The following FSTL5 variants were observed in gnomAD, a reference collection of about 807,000 sequenced individuals.
FSTL5 encodes follistatin-related protein 5.
A neutral mutation model predicts 89.1 loss-of-function variants in FSTL5; 62 were observed. That is an observed-to-expected ratio of 0.70 (90% CI 0.57 to 0.86). The LOEUF (loss-of-function observed/expected upper bound fraction) is 0.86, where lower values mean the gene tolerates loss of function less well. Among genes scored for constraint, FSTL5 ranks in the 40% least tolerant of loss-of-function variants. The pLI, the probability that FSTL5 is intolerant of heterozygous loss-of-function variation, is 0.00. For missense variants in FSTL5, 1,057 were observed against 1,001.6 expected (o/e 1.06, Z -0.75); for synonymous variants, 383 against 346.2 (o/e 1.11, Z -1.18).
At chr4:161,440,311 C>T (rs1459973386) in intron 15 of FSTL5, among the ~76,000 whole-genome samples, 1 of 151,898 alleles carries the variant, frequency 6.6e-6, no homozygotes, top group African/African-American at 2.4e-5. Context: ...CCTCCTACAC[C>T]ACTGTGTCCA....
intron 8 of FSTL5, among the ~76,000 whole-genome samples, chr4:161,580,866 G>T (rs1038637540): frequency 2.0e-5 from 3 of 152,136 alleles, no homozygotes; most frequent in African/African-American, 7.2e-5. Context: ...AAGGAACAGT[G>T]GCAGAGAGAC....
At chr4:162,142,041 T>C (rs1013540003) in intron 1 of FSTL5, among the ~76,000 whole-genome samples, 1 of 152,102 alleles carries the variant, frequency 6.6e-6, no homozygotes, top group African/African-American at 2.4e-5. Context: ...TGCTATTGTA[T>C]CTAATGGGTA....
At chr4:162,020,059 AT>A (rs1399391464) in intron 3 of FSTL5, among the ~76,000 whole-genome samples, 1 of 151,650 alleles carries the variant, frequency 6.6e-6, no homozygotes, top group Non-Finnish European at 1.5e-5. Flanking sequence ...AATGTCTCAT[AT>A]ATTATTACAT....
chr4:162,001,966 G>T (rs1210100813), intron 3 of FSTL5, among the ~76,000 whole-genome samples: 2 of 152,028 alleles, frequency 1.3e-5, no homozygotes, highest in Non-Finnish European at 2.9e-5. Context: ...AGGTTGCAAG[G>T]TAAGATTGAA....
At chr4:161,496,193 C>G (rs1363732210) in intron 12 of FSTL5, among the ~76,000 whole-genome samples, 1 of 152,064 alleles carries the variant, frequency 6.6e-6, no homozygotes, top group Non-Finnish European at 1.5e-5. Context: ...ATTCATTTAA[C>G]AAATGTTTCT....
chr4:162,104,658 ACT>A (rs1288045741), intron 2 of FSTL5, among the ~76,000 whole-genome samples: 1 of 151,946 alleles, frequency 6.6e-6, no homozygotes, highest in Non-Finnish European at 1.5e-5. Context: ...AAATGATGAC[ACT>A]CTGGCTACCG....
chr4:161,578,479 T>C (rs1733311368), intron 8 of FSTL5, among the ~76,000 whole-genome samples: 1 of 151,992 alleles, frequency 6.6e-6, no homozygotes, highest in South Asian at 2.1e-4. Flanking sequence ...CAGTGATTTA[T>C]GAGAAAATAT....
At chr4:161,798,485 T>A (rs34689285) in intron 4 of FSTL5, among the ~76,000 whole-genome samples, 6,304 of 151,408 alleles carry the variant, frequency 0.042, 192 homozygotes, top group Non-Finnish European at 0.062. Context: ...TTTTTTTTTT[T>A]AAAGTATTTA....
intron 2 of FSTL5, among the ~76,000 whole-genome samples, chr4:162,039,266 C>T (rs1737858342): frequency 6.6e-6 from 1 of 151,550 alleles, no homozygotes; most frequent in Non-Finnish European, 1.5e-5. Context: ...AGGTTCTTTC[C>T]CCTTTTAGTA....
At chr4:161,870,925 A>T (rs1732242532) in intron 4 of FSTL5, among the ~76,000 whole-genome samples, 1 of 152,146 alleles carries the variant, frequency 6.6e-6, no homozygotes, top group Admixed American at 6.5e-5. Context: ...TTGTTGAGGC[A>T]AAAAGATTCC....
At chr4:161,583,894 A>G (rs572366910) in intron 8 of FSTL5, among the ~76,000 whole-genome samples, 90 of 152,114 alleles carry the variant, frequency 5.9e-4, no homozygotes, top group Non-Finnish European at 1.1e-3. Flanking sequence ...CACATTTATC[A>G]TGTCCTCTCT....
intron 15 of FSTL5, among the ~76,000 whole-genome samples, chr4:161,389,700 T>C (rs1459844255): frequency 2.6e-5 from 4 of 152,148 alleles, no homozygotes; most frequent in South Asian, 2.1e-4. Context: ...AGGAAGAGGA[T>C]AAAAGTACTA....
At chr4:162,010,949 A>T (rs984832075) in intron 3 of FSTL5, among the ~76,000 whole-genome samples, 2 of 152,154 alleles carry the variant, frequency 1.3e-5, no homozygotes, top group African/African-American at 4.8e-5. Flanking sequence ...TCTTATATAT[A>T]TATCTAAAAG....
At chr4:161,407,625 A>C (rs1731431798) in intron 15 of FSTL5, among the ~76,000 whole-genome samples, 2 of 122,290 alleles carry the variant, frequency 1.6e-5, no homozygotes, top group South Asian at 4.7e-4. Flanking sequence ...TTAGATGGGG[A>C]GACAGTTGCA....
intron 6 of FSTL5, among the ~76,000 whole-genome samples, chr4:161,724,144 T>C (rs1320674374): frequency 6.6e-6 from 1 of 152,042 alleles, no homozygotes; most frequent in East Asian, 1.9e-4. Flanking sequence ...AAAAATCAAA[T>C]AAATAATGTT....
At chr4:161,912,178 T>C (rs1733712719) in intron 4 of FSTL5, among the ~76,000 whole-genome samples, 1 of 152,210 alleles carries the variant, frequency 6.6e-6, no homozygotes, top group Non-Finnish European at 1.5e-5. Flanking sequence ...ATCAATTATA[T>C]TGAAAAATAG....
chr4:161,407,790 T>C (rs1052622756), intron 15 of FSTL5, among the ~76,000 whole-genome samples: 2 of 149,430 alleles, frequency 1.3e-5, no homozygotes, highest in East Asian at 2.0e-4. Flanking sequence ...GGCTGCCTCA[T>C]AGGAACATGT....
chr4:161,793,755 C>T (rs1470917577), intron 4 of FSTL5, among the ~76,000 whole-genome samples: 2 of 151,820 alleles, frequency 1.3e-5, no homozygotes, highest in Non-Finnish European at 2.9e-5. Flanking sequence ...ACTACAGGTG[C>T]GTGCCACTGT....
intron 7 of FSTL5, among the ~76,000 whole-genome samples, chr4:161,591,157 G>A (rs780861760): frequency 1.3e-5 from 2 of 152,102 alleles, no homozygotes; most frequent in African/African-American, 2.4e-5. Context: ...TCAGCCTTAG[G>A]GCCTTTGCAT....
Sources: allele counts gnomAD v4.1 joint callset (sites outside exome capture counted in the v4.1 genomes callset), GRCh38; gene constraint gnomAD v4.1.1; transcripts MANE v1.5; gene names NCBI Gene and HGNC (gene_info 2026-07-23, HGNC 2026-07-21).